ESR1: variants seen among roughly 807,000 people sequenced by gnomAD.
The protein encoded by ESR1 is estrogen receptor.
In ESR1, 12 loss-of-function variants were observed where a neutral mutation model predicts 52.7. The ratio of observed to expected loss-of-function variants is 0.23; its 90% confidence interval spans 0.15 to 0.37. The LOEUF (loss-of-function observed/expected upper bound fraction) is 0.37, where lower values mean the gene tolerates loss of function less well. Ranked by LOEUF, ESR1 falls within the 10% of genes least tolerant of loss-of-function variation. ESR1 has a pLI of 1.00. For synonymous variants in ESR1, 305 were observed against 316.8 expected (o/e 0.96, Z 0.39); for missense variants, 584 against 779.7 (o/e 0.75, Z 2.99).
At chr6:151,871,027 C>A (rs1790852699) in intron 2 of ESR1, among the ~76,000 whole-genome samples, 1 of 151,794 alleles carries the variant, frequency 6.6e-6, no homozygotes. Context: ...AATTTAAAAA[C>A]TTTTGTAGAG....
intron 1 of ESR1, among the ~76,000 whole-genome samples, chr6:151,682,196 G>A (rs1408236538): frequency 6.6e-6 from 1 of 152,170 alleles, no homozygotes; most frequent in Non-Finnish European, 1.5e-5. Flanking sequence ...TTTAATCTGT[G>A]TGCACCTTTG....
intron 1 of ESR1, among the ~76,000 whole-genome samples, chr6:151,673,127 CATG>C (rs1381857489): frequency 9.9e-5 from 15 of 152,056 alleles, no homozygotes; most frequent in African/African-American, 3.6e-4. Flanking sequence ...CGCCCGGCTT[CATG>C]ATCAAATTTT....
At chr6:151,672,490 C>T (rs527278448) in intron 1 of ESR1, among the ~76,000 whole-genome samples, 1 of 152,254 alleles carries the variant, frequency 6.6e-6, no homozygotes, top group Non-Finnish European at 1.5e-5. Flanking sequence ...GCACATGCCA[C>T]CGTGCCCAGC....
intron 2 of ESR1, among the ~76,000 whole-genome samples, chr6:151,864,559 A>T (rs573838956): frequency 6.6e-6 from 1 of 152,258 alleles, no homozygotes; most frequent in Admixed American, 6.5e-5. Context: ...AACTAGAAAT[A>T]CCATTTGACC....
At chr6:152,085,929 G>A (rs2049674891) in intron 6 of ESR1, among the ~76,000 whole-genome samples, 2 of 152,204 alleles carry the variant, frequency 1.3e-5, no homozygotes, top group African/African-American at 2.4e-5. Context: ...ATCTTCCACA[G>A]TGTGCAAGAG....
At chr6:151,953,711 T>TA (rs796967381) in intron 4 of ESR1, among the ~76,000 whole-genome samples, 68 of 142,266 alleles carry the variant, frequency 4.8e-4, no homozygotes, top group Non-Finnish European at 6.3e-4. Flanking sequence ...AGACTCCGTC[T>TA]AAAAAAAAAA....
rs568557166 is a variant in ESR1, at chr6:151,927,601, A to G, written c.761-16572A>G. The stretch of plus-strand genomic sequence containing the variant: ...TCAAGGAATTGGTCCATTTCATCCA[A>G]ATTATCAAATTCGTGAGCATAGAGT... On this transcript the variant is annotated intron_variant, in intron 3 of 7. Transcript: ENST00000206249. Among the ~76,000 whole-genome samples the G allele has an allele frequency of 1.8e-3, 275 of 152,276 alleles. 1 individual carries two copies. Among genetic ancestry groups the G allele is most frequent in the African/African-American group, 6.4e-3 (267 of 41,558 alleles).
rs74638838 is a variant in ESR1, at chr6:151,693,539, C to A, written c.-202+2875C>A. Among the ~76,000 whole-genome samples the A allele has an allele frequency of 1.2e-3, 178 of 152,344 alleles. 1 individual carries two copies. The highest frequency in any genetic ancestry group is 3.7e-3 in the Admixed American group (56 of 15,302). On this transcript the variant is annotated intron_variant, in intron 1 of 2. Coordinates refer to the ESR1 transcript ENST00000404742. The stretch of plus-strand genomic sequence containing the variant: ...GCGTGTCAAAAACGTGTTACAAATG[C>A]TTCACATTCCCTTTCACATCAACAG...
intron 2 of ESR1, among the ~76,000 whole-genome samples, chr6:151,873,004 CTG>C (rs1276738636): frequency 1.3e-5 from 2 of 152,176 alleles, no homozygotes; most frequent in Admixed American, 6.5e-5. Context: ...ATTGGGTTGG[CTG>C]TGTTAATTCC....
At chr6:151,946,433 T>C (rs539097986) in intron 4 of ESR1, among the ~76,000 whole-genome samples, 1 of 152,250 alleles carries the variant, frequency 6.6e-6, no homozygotes, top group South Asian at 2.1e-4. Flanking sequence ...AGAATTCACA[T>C]CAATAATCTT....
chr6:151,837,724 G>T (rs1783599362), intron 1 of ESR1, among the ~76,000 whole-genome samples: 1 of 152,166 alleles, frequency 6.6e-6, no homozygotes, highest in South Asian at 2.1e-4. Context: ...GTGTAGCTTG[G>T]TAAACCAGTC....
chr6:151,755,285 A>G (rs1019088458), intron 2 of ESR1, among the ~76,000 whole-genome samples: 24 of 151,942 alleles, frequency 1.6e-4, no homozygotes, highest in African/African-American at 5.8e-4. Flanking sequence ...CATATTCCAA[A>G]TCTCCCCTTT....
rs181558093 is a variant in ESR1, at chr6:151,989,530, G to A, written c.1097-22126G>A. On this transcript the variant is annotated intron_variant, in intron 4 of 7. Coordinates refer to ENST00000206249, the MANE Select transcript of ESR1 (RefSeq NM_000125.4). ...TTCATGTTTAAATGGTTTGTACAGG[G>A]CAATGAAAGGAAATGTAGTAATAAA... is the stretch of plus-strand genomic sequence containing the variant. Among the ~76,000 whole-genome samples, 216 of 152,012 alleles carry A rather than the reference G, an allele frequency of 1.4e-3. 1 individual carries two copies. The highest frequency in any genetic ancestry group is 2.2e-3 in the Admixed American group (33 of 15,264).
At chr6:151,877,174 A>G (rs758281991) in intron 2 of ESR1, among the ~76,000 whole-genome samples, 44 of 152,100 alleles carry the variant, frequency 2.9e-4, no homozygotes, top group Non-Finnish European at 5.6e-4. Context: ...GGTTAGTTAC[A>G]TATGTATACA....
intron 5 of ESR1, among the ~76,000 whole-genome samples, chr6:152,023,073 G>A (rs1258022126): frequency 1.3e-5 from 2 of 151,868 alleles, no homozygotes; most frequent in Non-Finnish European, 1.5e-5. Context: ...CTAAAGATTT[G>A]TTCATCAGGA....
intron 3 of ESR1, among the ~76,000 whole-genome samples, chr6:151,939,623 TTAGA>T (rs910026280): frequency 6.6e-5 from 10 of 152,116 alleles, no homozygotes; most frequent in Non-Finnish European, 1.3e-4. Context: ...TCAATTCTAG[TTAGA>T]TATTTTTGAA....
chr6:152,109,650 C>T (rs1046242416), intron 6 of ESR1, among the ~76,000 whole-genome samples: 2 of 152,168 alleles, frequency 1.3e-5, no homozygotes, highest in Admixed American at 1.3e-4. Context: ...TGTGCCATTG[C>T]ACTCCAGCCT....
intron 4 of ESR1, among the ~76,000 whole-genome samples, chr6:151,994,114 A>G (rs1348408992): frequency 6.6e-6 from 1 of 152,180 alleles, no homozygotes. Context: ...GATGGTAAAT[A>G]AGTTGCCCAA....
At chr6:152,054,391 T>C (rs138056092) in intron 5 of ESR1, among the ~76,000 whole-genome samples, 31 of 152,254 alleles carry the variant, frequency 2.0e-4, no homozygotes, top group Non-Finnish European at 3.4e-4. Context: ...GATTTTTCCC[T>C]CAGATCAACA....
Sources: allele counts gnomAD v4.1 joint callset (sites outside exome capture counted in the v4.1 genomes callset), GRCh38; gene constraint gnomAD v4.1.1; transcripts MANE v1.5; gene names NCBI Gene and HGNC (gene_info 2026-07-23, HGNC 2026-07-21).